The following CNOT6 variants were observed in gnomAD, a reference collection of about 807,000 sequenced individuals.
CNOT6 encodes carbon catabolite repression 4 protein.
Under a neutral mutation model 61.2 loss-of-function variants are expected in CNOT6, and 12 were observed. The observed-to-expected ratio is 0.20, with a 90% CI of 0.13 to 0.32. The LOEUF (loss-of-function observed/expected upper bound fraction) is 0.32, where lower values mean the gene tolerates loss of function less well. Among genes scored for constraint, CNOT6 ranks in the 10% least tolerant of loss-of-function variants. The pLI, the probability that CNOT6 is intolerant of heterozygous loss-of-function variation, is 1.00. For synonymous variants in CNOT6, 225 were observed against 240.6 expected (o/e 0.94, Z 0.60); for missense variants, 405 against 663.9 (o/e 0.61, Z 4.28).
intron 2 of CNOT6, among the ~76,000 whole-genome samples, chr5:180,543,950 A>G (rs924501777): frequency 1.3e-5 from 2 of 152,054 alleles, no homozygotes; most frequent in Admixed American, 1.3e-4. Context: ...AGCTGGGACT[A>G]CAGGCGCCCG....
In CNOT6 at chr5:180,496,666, T is replaced by C. The variant is rs191384551; in HGVS notation, c.-3+1903T>C. ...AGCAAAACCCTGTCTCAGAAAAATA[T>C]AAAGTAACATATATAAAGTCTGTGA... On this transcript the variant is annotated intron_variant, in intron 1 of 11. Transcript: ENST00000261951. Among the ~76,000 whole-genome samples, 3 of 152,266 alleles carry C rather than the reference T, an allele frequency of 2.0e-5. No individual in the cohort carries two copies. The East Asian group carries it at 5.8e-4, about 30-fold the overall frequency.
intron 2 of CNOT6, among the ~76,000 whole-genome samples, chr5:180,532,320 T>A (rs1328260053): frequency 6.6e-6 from 1 of 152,184 alleles, no homozygotes; most frequent in Non-Finnish European, 1.5e-5. Context: ...CTTACAGCAT[T>A]AGGATACGCA....
rs1260792692 is a variant in CNOT6, at chr5:180,567,925, C to T, written c.949C>T (p.Leu317=). The part of the protein sequence containing the change: ...MANSEGSEAM[L]NRVMTKDNIG... Reference sequence around the variant, plus strand: ...AAATTCTGAGGGGTCTGAAGCTATGCTGAACAGAGTCATGACAAAAGATAA... The same window carrying T: ...AAATTCTGAGGGGTCTGAAGCTATGTTGAACAGAGTCATGACAAAAGATAA... Residue 317 remains leucine, a synonymous_variant, in exon 9 of 12, where the codon CTG becomes TTG. Transcript: ENST00000261951. The T allele has an allele frequency of 3.7e-6, 6 of 1,613,994 alleles. No homozygotes were observed. In the African/African-American group the frequency reaches 6.7e-5, roughly 18 times the overall value.
intron 1 of CNOT6, among the ~76,000 whole-genome samples, chr5:180,527,514 A>T (rs1004340260): frequency 6.6e-6 from 1 of 152,190 alleles, no homozygotes; most frequent in African/African-American, 2.4e-5. Context: ...ATACGTTCAC[A>T]TGGTTGTGTC....
intron 2 of CNOT6, among the ~76,000 whole-genome samples, chr5:180,535,105 C>T (rs976204102): frequency 6.6e-6 from 1 of 152,164 alleles, no homozygotes; most frequent in Non-Finnish European, 1.5e-5. Flanking sequence ...GAGTCCCTGG[C>T]GACGCAGAAG....
At chr5:180,540,910 ATTTC>A (rs1376601613) in intron 2 of CNOT6, among the ~76,000 whole-genome samples, 3 of 152,012 alleles carry the variant, frequency 2.0e-5, no homozygotes, top group Non-Finnish European at 4.4e-5. Context: ...AATGTTTTTC[ATTTC>A]TTTCTAGTGC....
In CNOT6 at chr5:180,529,300, C is replaced by G. The variant is rs761090041; in HGVS notation, c.24C>G (p.Pro8=). MPKEKYE[P]PDPRRMYTIM... ...GCATGCCCAAAGAAAAATACGAGCC[C>G]CCTGACCCTCGGAGGATGTATACAA... Residue 8 remains proline (P), a synonymous_variant, in exon 2 of 12, where the codon CCC becomes CCG. Transcript: ENST00000261951. The G allele has an allele frequency of 1.2e-6, 2 of 1,612,664 alleles. No individual in the cohort carries two copies. Among genetic ancestry groups the G allele is most frequent in the South Asian group, 1.1e-5 (1 of 90,920 alleles).
At chr5:180,516,978 C>T (rs76411069) in intron 1 of CNOT6, among the ~76,000 whole-genome samples, 2,349 of 152,276 alleles carry the variant, frequency 0.015, 56 homozygotes, top group African/African-American at 0.053. Context: ...TCTGGTTCTT[C>T]CTCCATAGTA....
intron 2 of CNOT6, among the ~76,000 whole-genome samples, chr5:180,546,590 C>T (rs1289489486): frequency 6.6e-6 from 1 of 152,180 alleles, no homozygotes; most frequent in Non-Finnish European, 1.5e-5. Flanking sequence ...ATAACACCCA[C>T]GTTATCTTAT....
At chr5:180,541,546 G>A (rs2127734907) in intron 2 of CNOT6, among the ~76,000 whole-genome samples, 1 of 142,234 alleles carries the variant, frequency 7.0e-6, no homozygotes, top group East Asian at 2.1e-4. Flanking sequence ...CCGCCTCCCG[G>A]ATTCACAGCA....
At chr5:180,538,685 G>GGT (rs1758844130) in intron 2 of CNOT6, among the ~76,000 whole-genome samples, 3 of 84,248 alleles carry the variant, frequency 3.6e-5, no homozygotes, top group Admixed American at 2.6e-4. Flanking sequence ...CTGAGAAAAA[G>GGT]GTATATATAT....
intron 1 of CNOT6, among the ~76,000 whole-genome samples, chr5:180,517,624 A>T (rs568845191): frequency 6.6e-6 from 1 of 151,422 alleles, no homozygotes; most frequent in Non-Finnish European, 1.5e-5. Context: ...GCTCACTGCA[A>T]CCTCTGCCTC....
intron 2 of CNOT6, among the ~76,000 whole-genome samples, chr5:180,532,240 C>G (rs1163980024): frequency 6.6e-6 from 1 of 152,178 alleles, no homozygotes; most frequent in African/African-American, 2.4e-5. Flanking sequence ...ATATTTACCT[C>G]TCCTTTTTTC....
intron 2 of CNOT6, among the ~76,000 whole-genome samples, chr5:180,544,646 AC>A (rs1160115697): frequency 6.6e-6 from 1 of 152,116 alleles, no homozygotes; most frequent in African/African-American, 2.4e-5. Context: ...AATTATGATC[AC>A]CCTGTATGGG....
At chr5:180,514,686 A>G (rs1757552330) in intron 1 of CNOT6, among the ~76,000 whole-genome samples, 1 of 152,162 alleles carries the variant, frequency 6.6e-6, no homozygotes, top group South Asian at 2.1e-4. Flanking sequence ...AAGCTGTAAG[A>G]TCATGCATTT....
rs1761017900 is a variant in CNOT6, at chr5:180,576,792, A to G, written c.*2592A>G. On this transcript the variant is annotated 3_prime_UTR_variant, in exon 12 of 12. Transcript: ENST00000261951. Reference sequence around the variant, plus strand: ...TAATTTTCAATAATCTATAATCCCTAAAATGCAATAAAAACTAGTATGTTT... The same window carrying G: ...TAATTTTCAATAATCTATAATCCCTGAAATGCAATAAAAACTAGTATGTTT... 1 of 152,238 alleles carries G rather than the reference A, an allele frequency of 6.6e-6. No homozygotes were observed. Among genetic ancestry groups the G allele is most frequent in the African/African-American group, 2.4e-5 (1 of 41,460 alleles). 9.4% of individuals were successfully genotyped at this position (152,238 alleles called of 1,614,324 possible). A position where few individuals can be genotyped will look rare whatever the true frequency, so the allele number is the denominator to read the frequency against.
chr5:180,543,315 T>G (rs1024556390), intron 2 of CNOT6, among the ~76,000 whole-genome samples: 2 of 149,902 alleles, frequency 1.3e-5, no homozygotes, highest in African/African-American at 4.9e-5. Context: ...CACCTCGGCC[T>G]CCCAAAGTGC....
chr5:180,553,474 A>G lies in CNOT6; in HGVS notation c.385+3A>G, dbSNP rs552235141. The G allele has an allele frequency of 6.2e-7, 1 of 1,606,752 alleles. No homozygotes were observed. Among genetic ancestry groups the G allele is most frequent in the South Asian group, 1.1e-5 (1 of 90,838 alleles). ...GTTGCAGACTTTAGGCCTGAAAGGT[A>G]TGACTTCCATATTTGTACTTCTTAT... On this transcript the variant is annotated splice_donor_region_variant and intron_variant, in intron 4 of 11. Transcript: ENST00000261951.
intron 1 of CNOT6, among the ~76,000 whole-genome samples, chr5:180,496,063 C>G (rs1304148041): frequency 6.6e-6 from 1 of 152,162 alleles, no homozygotes; most frequent in Non-Finnish European, 1.5e-5. Flanking sequence ...CCGGCAGACA[C>G]CACCACGGCT....
Sources: gnomAD v4.1 joint callset for allele counts (sites outside exome capture counted in the v4.1 genomes callset) on GRCh38, gnomAD v4.1.1 for gene constraint, MANE v1.5 for transcripts, NCBI Gene and HGNC (gene_info 2026-07-23, HGNC 2026-07-21) for gene names.